The following CWC27 variants were observed in gnomAD, a reference collection of about 807,000 sequenced individuals.
The protein encoded by CWC27 is spliceosome-associated protein CWC27 homolog.
In CWC27, 47 loss-of-function variants were observed where a neutral mutation model predicts 63.6. The ratio of observed to expected loss-of-function variants is 0.74; its 90% CI spans 0.58 to 0.94. The LOEUF (loss-of-function observed/expected upper bound fraction) is 0.94. Ranked by LOEUF, CWC27 falls within the 40% of genes least tolerant of loss-of-function variation. CWC27 has a pLI of 0.00. For missense variants in CWC27, 495 were observed against 554.3 expected, an observed-to-expected ratio of 0.89 and a Z score of 1.07; for synonymous variants, 175 against 179.8, an observed-to-expected ratio of 0.97 and a Z score of 0.22.
rs767839264 is a variant in CWC27 at position 64,885,492 on chromosome 5, G to T, written c.988G>T (p.Ala330Ser). Residue 330 changes from alanine (A) to serine (S), a missense_variant, in exon 11 of 14, where the codon GCA becomes TCA. By Grantham distance (99) the Ala-to-Ser change is moderately conservative. Coordinates refer to ENST00000381070, the MANE Select transcript of CWC27 (RefSeq NM_005869.4). ...ARQLKRELLAAKQKKVENAAK... is the reference protein window; with the variant it reads ...ARQLKRELLASKQKKVENAAK... The stretch of plus-strand genomic sequence containing the variant: ...ACAATTAAAACGGGAACTCTTAGCA[G>T]CAAAACAAAAAAAAGTAGAAAATGC... The T allele has an allele frequency of 3.1e-6, 5 of 1,609,292 alleles. No individual in the cohort carries two copies. Among genetic ancestry groups the T allele is most frequent in the Non-Finnish European group, 4.2e-6 (5 of 1,177,964 alleles).
At chr5:64,814,079 A>G (rs1050834290) in intron 10 of CWC27, among the ~76,000 whole-genome samples, 13 of 142,726 alleles carry the variant, frequency 9.1e-5, no homozygotes, top group Admixed American at 6.3e-4. Context: ...TTTTTTTGCG[A>G]TTTTTTTTTT....
chr5:64,884,661 A>G (rs983165841), intron 10 of CWC27, among the ~76,000 whole-genome samples: 4 of 152,156 alleles, frequency 2.6e-5, no homozygotes, highest in African/African-American at 9.7e-5. Flanking sequence ...ACTTTCATAG[A>G]TAATATATGC....
At chr5:64,816,346 G>A (rs1253200779) in intron 10 of CWC27, among the ~76,000 whole-genome samples, 4 of 152,164 alleles carry the variant, frequency 2.6e-5, no homozygotes, top group African/African-American at 9.6e-5. Context: ...TTACCAGAAT[G>A]CCAGTGTTTA....
chr5:64,888,055 C>A (rs1204603462), intron 11 of CWC27, among the ~76,000 whole-genome samples: 2 of 151,648 alleles, frequency 1.3e-5, no homozygotes, highest in Non-Finnish European at 2.9e-5. Context: ...AACAGTACTC[C>A]GATTAGAGTA....
intron 10 of CWC27, among the ~76,000 whole-genome samples, chr5:64,815,657 A>G (rs1238123216): frequency 6.6e-6 from 1 of 152,178 alleles, no homozygotes; most frequent in African/African-American, 2.4e-5. Flanking sequence ...GGCAAATATA[A>G]TAAAAATTAT....
At chr5:64,959,952 G>A (rs1580750332) in intron 11 of CWC27, among the ~76,000 whole-genome samples, 1 of 152,202 alleles carries the variant, frequency 6.6e-6, no homozygotes, top group African/African-American at 2.4e-5. Flanking sequence ...GAGCCACGAA[G>A]TGTTTTGAAG....
At chr5:64,804,085 CTTATAA>C (rs1744574938) in intron 9 of CWC27, 138 bp from the exon 10 acceptor site, 1 of 714,888 alleles carries the variant, frequency 1.4e-6, no homozygotes, top group Non-Finnish European at 2.1e-6. Flanking sequence ...TCTTCAAGGG[CTTATAA>C]TTCAAAACAA....
chr5:64,919,726 T>C (rs1405172614), intron 11 of CWC27, among the ~76,000 whole-genome samples: 4 of 152,232 alleles, frequency 2.6e-5, no homozygotes, highest in South Asian at 4.1e-4. Flanking sequence ...TTGGTGTCTA[T>C]GTACCACACT....
At chr5:64,888,285 A>G (rs1377703672) in intron 11 of CWC27, among the ~76,000 whole-genome samples, 5 of 147,934 alleles carry the variant, frequency 3.4e-5, no homozygotes, top group Non-Finnish European at 6.0e-5. Flanking sequence ...AACTAAATAT[A>G]TAATATAGTT....
chr5:64,926,327 T>TA (rs1303280595), intron 11 of CWC27, among the ~76,000 whole-genome samples: 1 of 151,436 alleles, frequency 6.6e-6, no homozygotes, highest in Non-Finnish European at 1.5e-5. Flanking sequence ...GACTCTCATA[T>TA]ATCTTAGATA....
At chr5:64,810,868 A>C (rs1050549475) in intron 10 of CWC27, among the ~76,000 whole-genome samples, 1 of 152,150 alleles carries the variant, frequency 6.6e-6, no homozygotes, top group Admixed American at 6.5e-5. Flanking sequence ...CAACAGGGTT[A>C]AGACATTTAT....
At chr5:64,892,607 A>T (rs1212260425) in intron 11 of CWC27, among the ~76,000 whole-genome samples, 1 of 152,108 alleles carries the variant, frequency 6.6e-6, no homozygotes, top group African/African-American at 2.4e-5. Flanking sequence ...ATTCCTTTTT[A>T]AAAGAATGTT....
chr5:64,781,670 T>C (rs1294092607), intron 2 of CWC27, among the ~76,000 whole-genome samples: 2 of 152,222 alleles, frequency 1.3e-5, no homozygotes, highest in Non-Finnish European at 2.9e-5. Context: ...AATTTCTGTT[T>C]TGAAGACCAG....
chr5:64,830,147 G>A (rs1485834433), intron 10 of CWC27, among the ~76,000 whole-genome samples: 1 of 150,762 alleles, frequency 6.6e-6, no homozygotes, highest in Non-Finnish European at 1.5e-5. Context: ...TTTACATTAG[G>A]TATATCTCCT....
At chr5:64,783,526 T>C (rs1282344025) in intron 3 of CWC27, among the ~76,000 whole-genome samples, 1 of 152,232 alleles carries the variant, frequency 6.6e-6, no homozygotes, top group Non-Finnish European at 1.5e-5. Context: ...TTCAAAAGCA[T>C]AGCTGACTTT....
intron 10 of CWC27, among the ~76,000 whole-genome samples, chr5:64,836,022 A>G (rs1745650656): frequency 6.6e-6 from 1 of 151,912 alleles, no homozygotes; most frequent in Admixed American, 6.6e-5. Context: ...ATATTTAATG[A>G]AGCAATAAAG....
chr5:64,993,301 T>G (rs1749571519), intron 13 of CWC27, among the ~76,000 whole-genome samples: 1 of 152,166 alleles, frequency 6.6e-6, no homozygotes. Context: ...TGTCAAAACA[T>G]TAGTTATACA....
At chr5:64,906,097 G>T (rs1433218123) in intron 11 of CWC27, among the ~76,000 whole-genome samples, 1 of 152,066 alleles carries the variant, frequency 6.6e-6, no homozygotes, top group Non-Finnish European at 1.5e-5. Flanking sequence ...CATTTAGGTG[G>T]GTTCGAAGTC....
intron 11 of CWC27, among the ~76,000 whole-genome samples, chr5:64,949,669 T>C (rs1277700821): frequency 1.3e-5 from 2 of 152,046 alleles, no homozygotes; most frequent in African/African-American, 2.4e-5. Flanking sequence ...TCTTTCACTA[T>C]GGATCCCATG....
Sources: allele counts gnomAD v4.1 joint callset (sites outside exome capture counted in the v4.1 genomes callset), GRCh38; gene constraint gnomAD v4.1.1; transcripts MANE v1.5; gene names NCBI Gene and HGNC (gene_info 2026-07-23, HGNC 2026-07-21).